Variants in NID2 observed in about 807,000 individuals in gnomAD.
The protein encoded by NID2 is nidogen 2.
In NID2, 83 loss-of-function variants were observed where a neutral mutation model predicts 145.4. That is an observed-to-expected ratio of 0.57 (90% CI 0.48 to 0.69). NID2 has a LOEUF of 0.69. NID2 is among the 30% of genes least tolerant of loss of function. The pLI is 0.00. For synonymous variants in NID2, 739 were observed against 701.3 expected (o/e 1.05, Z -0.85); for missense variants, 1,807 against 1,765.7 (o/e 1.02, Z -0.42).
rs1595006356 is a variant in NID2 at position 52,015,258 on chromosome 14, G to A, written c.3046C>T (p.Pro1016Ser). ...TCCCTCCAGCGCTCACAGATGGTCG[G>A]GGGCCTCTGGGTGGGCTCTGAGCAG... ...GPSPEPTQRP[P>S]TICERWRENL... is the part of the protein sequence containing the mutation. The change falls in exon 15 of 22, where the codon CCG (proline) becomes TCG (serine). Residue 1016 changes from proline to serine, a missense_variant. Transcript: ENST00000216286. 6.2e-7 allele frequency: 1 copy of A among 1,611,616 alleles called. No homozygotes were observed. The highest frequency in any genetic ancestry group is 1.1e-5 in the South Asian group (1 of 91,046).
intron 3 of NID2, among the ~76,000 whole-genome samples, chr14:52,057,734 A>AAAAG (rs1212232133): frequency 6.6e-6 from 1 of 151,414 alleles, no homozygotes; most frequent in Admixed American, 6.6e-5. Context: ...AAAAGAAAAG[A>AAAAG]AAAAAATGTA....
Position 52,067,893 on chromosome 14 carries a change from C to T in NID2, c.499G>A (p.Glu167Lys). The T allele has an allele frequency of 2.5e-6, 4 of 1,612,792 alleles. No homozygotes were observed. Among genetic ancestry groups the T allele is most frequent in the Non-Finnish European group, 3.4e-6 (4 of 1,179,952 alleles). The change falls in exon 2 of 22, where the codon GAG becomes AAG. Residue 167 changes from glutamate to lysine, a missense_variant. Transcript: ENST00000216286. ...GGCAGCGCCCCGCGCTTGACCTCCT[C>T]GTAAGCGCCTACCTGCTCCCAGGTG... ...LATWEQVGAY[E>K]EVKRGALPSG...
chr14:52,060,377 AAAGAG>A, intron 2 of NID2, 21 bp from the exon 3 acceptor site: 6 of 1,149,478 alleles, frequency 5.2e-6, no homozygotes, highest in South Asian at 1.9e-5. Context: ...AAAAAAAAAA[AAAGAG>A]AGAGAGAGAG....
chr14:52,064,583 A>G (rs1408637677), intron 2 of NID2, among the ~76,000 whole-genome samples: 1 of 152,108 alleles, frequency 6.6e-6, no homozygotes, highest in South Asian at 2.1e-4. Context: ...CAAAGGCCCC[A>G]CCTCTCAATA....
intron 2 of NID2, among the ~76,000 whole-genome samples, chr14:52,064,614 T>A (rs1352306511): frequency 6.6e-6 from 1 of 152,192 alleles, no homozygotes; most frequent in African/African-American, 2.4e-5. Context: ...GAGGATTAAG[T>A]TTCAACATGA....
At chr14:52,017,805 G>A (rs954203465) in intron 14 of NID2, among the ~76,000 whole-genome samples, 2 of 151,722 alleles carry the variant, frequency 1.3e-5, no homozygotes, top group Admixed American at 6.6e-5. Context: ...TCTGAGAACC[G>A]CCAAGACCTG....
At chr14:52,025,603 G>A (rs1229976090) in intron 12 of NID2, among the ~76,000 whole-genome samples, 2 of 152,214 alleles carry the variant, frequency 1.3e-5, no homozygotes, top group Admixed American at 1.3e-4. Flanking sequence ...TTGAAATCTG[G>A]TGATGGCCTT....
At chr14:52,059,895 G>A (rs918721630) in intron 3 of NID2, among the ~76,000 whole-genome samples, 1 of 152,166 alleles carries the variant, frequency 6.6e-6, no homozygotes, top group Non-Finnish European at 1.5e-5. Flanking sequence ...CACACATACT[G>A]TTCTGTTTCC....
At chr14:52,033,222 C>G (rs981508957) in intron 9 of NID2, among the ~76,000 whole-genome samples, 3 of 152,160 alleles carry the variant, frequency 2.0e-5, no homozygotes, top group African/African-American at 7.2e-5. Flanking sequence ...AACAGAGGAT[C>G]TGGAACTAAT....
At chr14:52,056,295 T>A (rs552927498) in intron 3 of NID2, among the ~76,000 whole-genome samples, 1 of 152,320 alleles carries the variant, frequency 6.6e-6, no homozygotes, top group East Asian at 1.9e-4. Flanking sequence ...CTTCTAATTA[T>A]ATATAAATCA....
intron 9 of NID2, among the ~76,000 whole-genome samples, chr14:52,032,941 A>G (rs1891920799): frequency 6.6e-6 from 1 of 152,216 alleles, no homozygotes; most frequent in Non-Finnish European, 1.5e-5. Flanking sequence ...GATTAGTTCC[A>G]TAATTTGCAA....
intron 19 of NID2, 128 bp from the exon 20 acceptor site, chr14:52,006,788 A>T: frequency 1.0e-6 from 1 of 986,740 alleles, no homozygotes; most frequent in East Asian, 2.6e-5. Flanking sequence ...GTCATAGATT[A>T]GCAACTGTAA....
chr14:52,054,393 G>T, intron 3 of NID2, 72 bp from the exon 4 acceptor site: 1 of 1,449,300 alleles, frequency 6.9e-7, no homozygotes, highest in East Asian at 2.3e-5. Flanking sequence ...CCTAGAAGGT[G>T]AACAACTTAT....
chr14:52,007,698 G>A (rs781639369), intron 19 of NID2, 112 bp downstream of exon 19: 52 of 994,924 alleles, frequency 5.2e-5, no homozygotes, highest in Non-Finnish European at 7.4e-5. Context: ...AAAGTTTACA[G>A]ACCAAAGAAA....
rs1318952059 is a variant in NID2, at chr14:52,015,138, C to G, written c.3166G>C (p.Gly1056Arg). The change falls in exon 15 of 22, where the codon GGA (glycine) becomes CGA (arginine). Residue 1056 changes from glycine (G) to arginine (R), a missense_variant. Transcript: ENST00000216286. ...ACACACCAGCAGAAGTCGCTCTTTC[C>G]GTGGCACTGCAGGGGGATGAAGTGG... The part of the protein sequence containing the change: ...LGHFIPLQCH[G>R]KSDFCWCVDK... 6.2e-7 allele frequency: 1 copy of G among 1,613,984 alleles called. No individual in the cohort carries two copies. Among genetic ancestry groups the G allele is most frequent in the Non-Finnish European group, 8.5e-7 (1 of 1,180,036 alleles).
intron 18 of NID2, chr14:52,009,192 G>C (rs1190595012): frequency 6.6e-6 from 1 of 152,208 alleles, no homozygotes; most frequent in African/African-American, 2.4e-5. Flanking sequence ...GCAAAAGCTA[G>C]AAAGCAGTTT....
intron 13 of NID2, among the ~76,000 whole-genome samples, chr14:52,019,768 A>G (rs980674444): frequency 4.6e-5 from 7 of 152,116 alleles, no homozygotes; most frequent in African/African-American, 1.7e-4. Flanking sequence ...TGATCTCAAC[A>G]CTTCATCCAA....
chr14:52,006,466 T>C, intron 20 of NID2, 71 bp downstream of exon 20: 3 of 1,579,872 alleles, frequency 1.9e-6, no homozygotes, highest in Non-Finnish European at 2.6e-6. Flanking sequence ...TACTGACTTT[T>C]GGTAAAACAA....
At position 52,042,340 on chromosome 14, in the gene NID2, G is replaced by A; in HGVS notation, c.1590C>T (p.His530=). ...GKHCLPEGAP[H]RVNGKVSGHL... ...GGCCACTCACTTTCCCATTCACTCG[G>A]TGAGGTGCCCCTAAAAGACAGCAAA... Residue 530 remains histidine (H), a synonymous_variant, in exon 7 of 22, where the codon CAC becomes CAT. Transcript: ENST00000216286. The A allele has an allele frequency of 6.2e-7, 1 of 1,610,322 alleles. No individual in the cohort carries two copies. Among genetic ancestry groups the A allele is most frequent in the Non-Finnish European group, 8.5e-7 (1 of 1,177,188 alleles).
Sources: gnomAD v4.1 joint callset for allele counts (sites outside exome capture counted in the v4.1 genomes callset) on GRCh38, gnomAD v4.1.1 for gene constraint, MANE v1.5 for transcripts, NCBI Gene and HGNC (gene_info 2026-07-23, HGNC 2026-07-21) for gene names.